The following TTK variants were observed in gnomAD, a reference collection of about 807,000 sequenced individuals.
TTK encodes the protein dual specificity protein kinase TTK.
A neutral mutation model predicts 117.3 loss-of-function variants in TTK; 59 were observed. The observed-to-expected ratio is 0.50, with a 90% confidence interval of 0.41 to 0.62. The LOEUF (loss-of-function observed/expected upper bound fraction) is 0.62, where lower values mean the gene tolerates loss of function less well. Ranked by LOEUF, TTK falls within the 20% of genes least tolerant of loss-of-function variation. TTK has a pLI of 0.00. For synonymous variants in TTK, 302 were observed against 325.0 expected, an observed-to-expected ratio of 0.93 and a Z score of 0.76; for missense variants, 921 against 989.4, an observed-to-expected ratio of 0.93 and a Z score of 0.93.
chr6:80,028,098 A>G, intron 13 of TTK, 87 bp downstream of exon 13: 1 of 1,376,350 alleles, frequency 7.3e-7, no homozygotes, highest in Non-Finnish European at 9.6e-7. Flanking sequence ...TTATCAAGAA[A>G]GGTCTTAAGA....
intron 20 of TTK, 151 bp downstream of exon 20, chr6:80,040,431 T>A: frequency 1.1e-6 from 1 of 925,412 alleles, no homozygotes; most frequent in Non-Finnish European, 1.6e-6. Context: ...AATAGTAAAG[T>A]AAATAAACTT....
chr6:80,009,823 G>A (rs553965264), intron 4 of TTK, among the ~76,000 whole-genome samples: 25 of 152,068 alleles, frequency 1.6e-4, no homozygotes, highest in South Asian at 2.1e-4. Flanking sequence ...TGGTGTGTGA[G>A]TATTTTTATA....
intron 21 of TTK, 35 bp downstream of exon 21, chr6:80,040,738 GT>G (rs771150229): frequency 6.3e-7 from 1 of 1,577,488 alleles, no homozygotes; most frequent in Non-Finnish European, 8.6e-7. Context: ...AATTTTTACT[GT>G]TTTATATAGT....
chr6:80,034,016 A>T (rs1767825394), intron 14 of TTK, among the ~76,000 whole-genome samples: 1 of 152,150 alleles, frequency 6.6e-6, no homozygotes, highest in African/African-American at 2.4e-5. Flanking sequence ...AGTATAATGA[A>T]GGTGTAAGCT....
chr6:80,028,706 T>C (rs922546459), intron 13 of TTK, among the ~76,000 whole-genome samples: 2 of 152,178 alleles, frequency 1.3e-5, no homozygotes, highest in Non-Finnish European at 2.9e-5. Flanking sequence ...ATGTAAATTT[T>C]CAAAAATATC....
chr6:80,007,960 G>T lies in TTK; in HGVS notation c.291G>T (p.Ala97=), dbSNP rs576750853. Residue 97 remains alanine, a synonymous_variant, in exon 3 of 22, where the codon GCG becomes GCT. Coordinates refer to ENST00000369798, the MANE Select transcript of TTK (RefSeq NM_003318.5). The part of the protein sequence containing the change: ...LIGRYSQAIE[A]LPPDKYGQNE... ...GTCGTTACAGTCAAGCAATTGAAGC[G>T]CTTCCCCCAGATAAATATGGCCAAA... 1.1e-5 allele frequency: 18 copies of T among 1,613,404 alleles called. No homozygotes were observed. The highest frequency in any genetic ancestry group is 1.5e-5 in the Non-Finnish European group (18 of 1,179,650).
intron 14 of TTK, among the ~76,000 whole-genome samples, chr6:80,032,178 C>T (rs528928873): frequency 4.6e-5 from 7 of 152,236 alleles, no homozygotes; most frequent in Admixed American, 6.5e-5. Context: ...TAATCAAGAA[C>T]ACTAATGACC....
chr6:80,012,554 T>G (rs1402761974), intron 8 of TTK, among the ~76,000 whole-genome samples: 1 of 152,008 alleles, frequency 6.6e-6, no homozygotes, highest in Non-Finnish European at 1.5e-5. Context: ...AGGAGAGTTA[T>G]TTTGGCCTAT....
At chr6:80,016,053 T>C (rs1267213354) in intron 10 of TTK, among the ~76,000 whole-genome samples, 1 of 152,238 alleles carries the variant, frequency 6.6e-6, no homozygotes, top group African/African-American at 2.4e-5. Flanking sequence ...CTCATCCATG[T>C]TTTTATGATA....
At position 80,042,104 on chromosome 6, in the gene TTK, G is replaced by C. The variant is rs745945702; in HGVS notation, c.2491-15G>C. On this transcript the variant is annotated splice_polypyrimidine_tract_variant and intron_variant, in intron 21 of 21. Coordinates refer to ENST00000369798, the MANE Select transcript of TTK (RefSeq NM_003318.5). ...CTAAAAAATTGCAAAACAGATTTGTGTTTTTTAATTTCAGACTTTATATGA... is the reference window on the plus strand; with the variant it reads ...CTAAAAAATTGCAAAACAGATTTGTCTTTTTTAATTTCAGACTTTATATGA... The C allele has an allele frequency of 4.6e-6, 7 of 1,520,308 alleles. No individual in the cohort carries two copies. In the African/African-American group the frequency reaches 9.7e-5, roughly 21 times the overall value. 94.2% of individuals were successfully genotyped at this position (1,520,308 alleles called of 1,614,324 possible).
chr6:80,035,133 T>C lies in TTK; in HGVS notation c.1763T>C (p.Leu588Pro). 1 of 1,552,744 alleles carries C rather than the reference T, an allele frequency of 6.4e-7. No individual in the cohort carries two copies. The change falls in exon 15 of 22, where the codon CTT (leucine) becomes CCT (proline). Residue 588 changes from leucine to proline, a missense_variant. Physicochemically the swap from Leu to Pro is moderately conservative, Grantham distance 98 (BLOSUM62 -3). Coordinates refer to ENST00000369798, the MANE Select transcript of TTK (RefSeq NM_003318.5). ...LQQHSDKIIR[L>P]YDYEITDQYI... ...CAACACAGTGATAAGATCATCCGAC[T>C]TTATGATTAGTAAGAATTCTTTTTA...
At chr6:80,028,329 AT>A (rs1273916027) in intron 13 of TTK, among the ~76,000 whole-genome samples, 4 of 107,816 alleles carry the variant, frequency 3.7e-5, no homozygotes, top group African/African-American at 1.4e-4. Flanking sequence ...TTATTTATTT[AT>A]TTTTTGAGAC....
At chr6:80,036,735 T>A in intron 17 of TTK, 136 bp downstream of exon 17, 2 of 957,896 alleles carry the variant, frequency 2.1e-6, no homozygotes, top group Non-Finnish European at 2.9e-6. Context: ...TAAGAATAGA[T>A]TTAAAAATAT....
intron 9 of TTK, among the ~76,000 whole-genome samples, chr6:80,013,949 C>A (rs2127671939): frequency 6.6e-6 from 1 of 152,038 alleles, no homozygotes; most frequent in Admixed American, 6.6e-5. Context: ...TTTGTAATGC[C>A]TCCCTCTTTC....
chr6:80,016,956 C>T (rs1767322960), intron 10 of TTK, among the ~76,000 whole-genome samples: 1 of 152,206 alleles, frequency 6.6e-6, no homozygotes, highest in African/African-American at 2.4e-5. Context: ...CCTCTGGTGC[C>T]TGCTAGTGCT....
Position 80,014,606 on chromosome 6 carries a change from T to C in TTK, c.1108+20T>C, listed in dbSNP as rs764019636. Reference sequence around the variant, plus strand: ...TAGAAGGTAAGAGTAACAAAATCAGTAGACTTGTATGTTTAGTTAAGAAAA... The same window carrying C: ...TAGAAGGTAAGAGTAACAAAATCAGCAGACTTGTATGTTTAGTTAAGAAAA... On this transcript the variant is annotated intron_variant, in intron 10 of 21. Coordinates refer to ENST00000369798, the MANE Select transcript of TTK (RefSeq NM_003318.5). 3.8e-6 allele frequency: 6 copies of C among 1,574,774 alleles called. No individual in the cohort carries two copies. Among genetic ancestry groups the C allele is most frequent in the Non-Finnish European group, 4.3e-6 (5 of 1,164,016 alleles).
chr6:80,020,938 C>T (rs1374136920), intron 10 of TTK, among the ~76,000 whole-genome samples: 1 of 152,202 alleles, frequency 6.6e-6, no homozygotes, highest in Non-Finnish European at 1.5e-5. Context: ...GAAGGGGAGA[C>T]TGGAGAAAAG....
intron 4 of TTK, among the ~76,000 whole-genome samples, chr6:80,009,116 CTT>C (rs1405142275): frequency 6.6e-6 from 1 of 152,036 alleles, no homozygotes; most frequent in African/African-American, 2.4e-5. Context: ...ATTCCTTAGT[CTT>C]TTCTCATTTT....
At chr6:80,010,737 G>C (rs1767119218) in intron 4 of TTK, 77 bp from the exon 5 acceptor site, 2 of 1,420,584 alleles carry the variant, frequency 1.4e-6, no homozygotes, top group Admixed American at 4.6e-5. Context: ...TCTAGGTCCT[G>C]ATGAATACGT....
Sources: allele counts gnomAD v4.1 joint callset (sites outside exome capture counted in the v4.1 genomes callset), GRCh38; gene constraint gnomAD v4.1.1; transcripts MANE v1.5; gene names NCBI Gene and HGNC (gene_info 2026-07-23, HGNC 2026-07-21).